Variants in DCLK1 observed in about 807,000 individuals in gnomAD.
The protein encoded by DCLK1 is serine/threonine-protein kinase DCLK1.
A neutral mutation model predicts 86.2 loss-of-function variants in DCLK1; 16 were observed. That is an observed-to-expected ratio of 0.19 (90% CI 0.13 to 0.28). DCLK1 has a LOEUF of 0.28. Ranked by LOEUF, DCLK1 falls within the 10% of genes least tolerant of loss-of-function variation. DCLK1 has a pLI of 1.00. For missense variants in DCLK1, 590 were observed against 940.2 expected (o/e 0.63, Z 4.87); for synonymous variants, 369 against 370.5 (o/e 1.00, Z 0.05).
chr13:36,032,564 C>T (rs1882325589), intron 3 of DCLK1, among the ~76,000 whole-genome samples: 1 of 152,184 alleles, frequency 6.6e-6, no homozygotes, highest in Admixed American at 6.5e-5. Flanking sequence ...CCCCACCCCA[C>T]CACCCGCCAT....
intron 3 of DCLK1, among the ~76,000 whole-genome samples, chr13:35,975,331 C>T (rs73178265): frequency 0.15 from 23,096 of 152,120 alleles, 2,066 homozygotes; most frequent in East Asian, 0.22. Flanking sequence ...AAAAGGGGGT[C>T]TGACCTGCAT....
rs116758059 is a variant in DCLK1 at position 36,057,971 on chromosome 13, C to T, written c.723+53898G>A. Among the ~76,000 whole-genome samples, 898 of 152,210 alleles carry T rather than the reference C, an allele frequency of 5.9e-3. 11 individuals are homozygous for T. Among genetic ancestry groups the T allele is most frequent in the African/African-American group, 0.02 (847 of 41,526 alleles). ...CTTATATATTTTGGGGGGGATAAGA[C>T]AAGTTGTATATAAACAGTCACTGTT... On this transcript the variant is annotated intron_variant, in intron 3 of 16. Transcript: ENST00000360631.
At chr13:35,848,658 C>A (rs1334382831) in intron 6 of DCLK1, 32 of 985,290 alleles carry the variant, frequency 3.2e-5, no homozygotes, top group Non-Finnish European at 3.6e-5. Flanking sequence ...TTTATTGGAC[C>A]TTTCTAGCAG....
rs769120428 is a variant in DCLK1, at chr13:35,772,036, G to A, written c.*2499C>T. The A allele has an allele frequency of 6.6e-6, 1 of 152,166 alleles. No homozygotes were observed. The highest frequency in any genetic ancestry group is 2.4e-5 in the African/African-American group (1 of 41,438). 9.4% of individuals were successfully genotyped at this position (152,166 alleles called of 1,614,324 possible). ...CCTCTGAGTACATCTCTGACATTCA[G>A]GATCTTGGTAGCTTAATGTTAGAAA... On this transcript the variant is annotated 3_prime_UTR_variant, in exon 17 of 17. Coordinates refer to ENST00000360631, the MANE Select transcript of DCLK1 (RefSeq NM_001330071.2).
intron 8 of DCLK1, among the ~76,000 whole-genome samples, chr13:35,834,225 T>C (rs1869185433): frequency 6.6e-6 from 1 of 152,184 alleles, no homozygotes; most frequent in Admixed American, 6.5e-5. Flanking sequence ...AAAGCATCAA[T>C]GAAATATAAA....
At chr13:35,832,814 A>G (rs2153106937) in intron 8 of DCLK1, among the ~76,000 whole-genome samples, 1 of 152,264 alleles carries the variant, frequency 6.6e-6, no homozygotes, top group East Asian at 1.9e-4. Flanking sequence ...TGAATTTGAC[A>G]AGGGCCCCAT....
At chr13:36,109,185 T>G (rs1377681488) in intron 3 of DCLK1, among the ~76,000 whole-genome samples, 2 of 152,140 alleles carry the variant, frequency 1.3e-5, no homozygotes, top group African/African-American at 4.8e-5. Context: ...GATCCTGCTA[T>G]GAAGAGAACA....
chr13:35,977,107 T>A (rs1282399387), intron 3 of DCLK1, among the ~76,000 whole-genome samples: 2 of 137,368 alleles, frequency 1.5e-5, no homozygotes, highest in African/African-American at 5.0e-5. Context: ...AAATGCTGTA[T>A]TTTTCGTGTA....
rs542407825 is a variant in DCLK1 at position 35,911,727 on chromosome 13, G to A, written c.823+35631C>T. On this transcript the variant is annotated intron_variant, in intron 4 of 16. Transcript: ENST00000360631. ...ACAATTTCTTGTTCTGGTTACTGAG[G>A]ATAACCAGACAGTAAATGGTTTAGG... is the stretch of plus-strand genomic sequence containing the variant. Among the ~76,000 whole-genome samples, 108 of 152,258 alleles carry A rather than the reference G, an allele frequency of 7.1e-4. No homozygotes were observed. The Middle Eastern group carries it at 0.037, about 53-fold the overall frequency.
At chr13:35,790,798 GAAT>G (rs992401292) in intron 16 of DCLK1, among the ~76,000 whole-genome samples, 1 of 152,078 alleles carries the variant, frequency 6.6e-6, no homozygotes, top group Non-Finnish European at 1.5e-5. Flanking sequence ...CTTCATAGCA[GAAT>G]AATCTTTCTT....
chr13:36,106,950 A>T (rs902202672), intron 3 of DCLK1, among the ~76,000 whole-genome samples: 4 of 152,174 alleles, frequency 2.6e-5, no homozygotes, highest in African/African-American at 9.6e-5. Flanking sequence ...ATTAAAGGCC[A>T]AAAAGAAGAA....
At chr13:36,035,383 C>T (rs1882449395) in intron 3 of DCLK1, among the ~76,000 whole-genome samples, 1 of 152,146 alleles carries the variant, frequency 6.6e-6, no homozygotes, top group Non-Finnish European at 1.5e-5. Flanking sequence ...ACTGAAACCA[C>T]AAATGAAGCA....
chr13:36,125,647 C>T (rs1374628228), intron 2 of DCLK1, 115 bp downstream of exon 2: 2 of 1,411,012 alleles, frequency 1.4e-6, no homozygotes, highest in South Asian at 1.4e-5. Flanking sequence ...CTATAAGGAT[C>T]ACAGCCATAA....
intron 3 of DCLK1, among the ~76,000 whole-genome samples, chr13:35,960,782 A>G (rs150784880): frequency 1.5e-3 from 236 of 152,348 alleles, no homozygotes; most frequent in African/African-American, 5.3e-3. Flanking sequence ...CTTTCCACAA[A>G]TAATTTCTAA....
intron 4 of DCLK1, among the ~76,000 whole-genome samples, chr13:35,885,558 G>A (rs563741955): frequency 1.3e-5 from 2 of 152,286 alleles, no homozygotes; most frequent in South Asian, 2.1e-4. Flanking sequence ...AAGTCTCACT[G>A]GGATAGAATT....
intron 3 of DCLK1, 57 bp from the exon 4 acceptor site, chr13:35,947,514 G>A (rs1163724602): frequency 2.8e-6 from 4 of 1,404,228 alleles, no homozygotes; most frequent in Non-Finnish European, 4.0e-6. Context: ...TTACAACAAT[G>A]CAACCCCACG....
chr13:35,864,551 C>T (rs1188731127), intron 5 of DCLK1, among the ~76,000 whole-genome samples: 2 of 52,076 alleles, frequency 3.8e-5, no homozygotes, highest in Non-Finnish European at 3.1e-5. Context: ...GGCGACAGAG[C>T]GAGACTCCGT....
chr13:35,878,362 T>C (rs1872702589), intron 4 of DCLK1, among the ~76,000 whole-genome samples: 10 of 152,160 alleles, frequency 6.6e-5, no homozygotes, highest in Admixed American at 6.5e-4. Flanking sequence ...TCCACCCGTT[T>C]TCTGAGTGAA....
chr13:35,943,375 C>T (rs919950662), intron 4 of DCLK1, among the ~76,000 whole-genome samples: 1 of 152,166 alleles, frequency 6.6e-6, no homozygotes, highest in Non-Finnish European at 1.5e-5. Flanking sequence ...TGAGCCAACA[C>T]ATTTCTGTTG....
Sources: gnomAD v4.1 joint callset for allele counts (sites outside exome capture counted in the v4.1 genomes callset) on GRCh38, gnomAD v4.1.1 for gene constraint, MANE v1.5 for transcripts, NCBI Gene and HGNC (gene_info 2026-07-23, HGNC 2026-07-21) for gene names.